Variants in DCK observed in about 807,000 individuals in gnomAD.
DCK encodes deoxycytidine kinase.
DCK carries 23 observed loss-of-function variants against 38.3 expected under a neutral mutation model. The ratio of observed to expected loss-of-function variants is 0.60; its 90% confidence interval spans 0.43 to 0.85. The LOEUF (loss-of-function observed/expected upper bound fraction) is 0.85. Among genes scored for constraint, DCK ranks in the 40% least tolerant of loss-of-function variants. DCK has a pLI of 0.00. For missense variants in DCK, 259 were observed against 304.4 expected, an observed-to-expected ratio of 0.85 and a Z score of 1.11; for synonymous variants, 108 against 100.6, an observed-to-expected ratio of 1.07 and a Z score of -0.44.
chr4:71,022,615 CTTT>C (rs373938314), intron 3 of DCK, 55 bp downstream of exon 3: 85 of 729,114 alleles, frequency 1.2e-4, no homozygotes, highest in Middle Eastern at 3.2e-4. Context: ...TAGAACTGGA[CTTT>C]TTTTTTTTTT....
rs142598943 is a variant in DCK, at chr4:71,022,846, C to T, written c.401+286C>T. ...TTTTCCCTCTAACCCTTTTAAAATT[C>T]TCATCTGCTCTGGTTAAATCTGGAT... On this transcript the variant is annotated intron_variant, in intron 3 of 6. Transcript: ENST00000286648. 4.9e-3 allele frequency among the ~76,000 whole-genome samples: 743 copies of T among 152,118 alleles called. 11 individuals are homozygous for T. The highest frequency in any genetic ancestry group is 0.017 in the African/African-American group (717 of 41,508).
At chr4:71,003,746 C>T (rs555000590) in intron 2 of DCK, among the ~76,000 whole-genome samples, 1 of 152,132 alleles carries the variant, frequency 6.6e-6, no homozygotes, top group African/African-American at 2.4e-5. Context: ...TTAATCGATT[C>T]GGCTATTGAT....
intron 3 of DCK, among the ~76,000 whole-genome samples, chr4:71,023,205 ATTT>A (rs35461637): frequency 6.6e-6 from 1 of 152,192 alleles, no homozygotes; most frequent in Non-Finnish European, 1.5e-5. Flanking sequence ...ATTGCTTTAC[ATTT>A]TTGCAGATAT....
At chr4:71,012,835 G>A (rs1740137497) in intron 2 of DCK, among the ~76,000 whole-genome samples, 2 of 152,212 alleles carry the variant, frequency 1.3e-5, no homozygotes, top group Admixed American at 6.5e-5. Flanking sequence ...CAGAAAAGCT[G>A]AAAATTCTAA....
At chr4:71,014,068 T>G (rs1272324299) in intron 2 of DCK, among the ~76,000 whole-genome samples, 5 of 152,054 alleles carry the variant, frequency 3.3e-5, no homozygotes, top group Non-Finnish European at 5.9e-5. Flanking sequence ...AAGGGATGTA[T>G]GAAGATCTAC....
chr4:71,023,218 T>C (rs1740472790), intron 3 of DCK, among the ~76,000 whole-genome samples: 1 of 152,246 alleles, frequency 6.6e-6, no homozygotes, highest in Non-Finnish European at 1.5e-5. Flanking sequence ...TTTGCAGATA[T>C]CTTTAATGCC....
chr4:70,994,184 CCT>C (rs1739607644), intron 1 of DCK, among the ~76,000 whole-genome samples: 1 of 152,208 alleles, frequency 6.6e-6, no homozygotes, highest in African/African-American at 2.4e-5. Flanking sequence ...ACCTCTGCTC[CCT>C]CTTTGTTGGG....
intron 2 of DCK, among the ~76,000 whole-genome samples, chr4:71,017,533 T>C (rs1406556138): frequency 1.3e-5 from 2 of 152,088 alleles, no homozygotes; most frequent in Non-Finnish European, 2.9e-5. Flanking sequence ...CCAACCCAGA[T>C]GTCCATCAGT....
intron 2 of DCK, among the ~76,000 whole-genome samples, chr4:71,015,292 G>C (rs1004945033): frequency 1.3e-5 from 2 of 152,014 alleles, no homozygotes; most frequent in African/African-American, 2.4e-5. Context: ...CAATAGTTAA[G>C]AGCCTGCCAT....
chr4:71,021,268 G>C (rs1416156764), intron 2 of DCK, among the ~76,000 whole-genome samples: 1 of 151,162 alleles, frequency 6.6e-6, no homozygotes, highest in Non-Finnish European at 1.5e-5. Flanking sequence ...GTAGAGACGG[G>C]GTTTCACCTT....
intron 1 of DCK, among the ~76,000 whole-genome samples, chr4:70,995,796 A>T (rs1037910366): frequency 5.9e-5 from 9 of 152,148 alleles, no homozygotes; most frequent in African/African-American, 2.2e-4. Context: ...GTCTTTTTGT[A>T]TGCAAATGTC....
At chr4:71,016,390 A>G (rs1299473610) in intron 2 of DCK, among the ~76,000 whole-genome samples, 1 of 152,224 alleles carries the variant, frequency 6.6e-6, no homozygotes, top group Non-Finnish European at 1.5e-5. Flanking sequence ...TGCCATCCCC[A>G]TCAAGCTACC....
Position 70,993,804 on chromosome 4 carries a change from G to C in DCK, c.-32G>C, listed in dbSNP as rs368554642. ...TGGCCGCCTCCCAGCCCTCTTTGCC[G>C]GACGAGCTCTGGGCCGCCACAAGAC... is the stretch of plus-strand genomic sequence containing the variant. On this transcript the variant is annotated 5_prime_UTR_variant, in exon 1 of 7. Coordinates refer to ENST00000286648, the MANE Select transcript of DCK (RefSeq NM_000788.3). 1.3e-6 allele frequency: 2 copies of C among 1,542,264 alleles called. No homozygotes were observed. The highest frequency in any genetic ancestry group is 8.9e-7 in the Non-Finnish European group (1 of 1,119,658).
At chr4:71,000,872 C>T (rs1015057468) in intron 2 of DCK, among the ~76,000 whole-genome samples, 7 of 152,124 alleles carry the variant, frequency 4.6e-5, no homozygotes, top group Admixed American at 3.3e-4. Context: ...GATTTTGTAT[C>T]CTGAGACTTT....
chr4:70,995,093 A>C (rs547307314), intron 1 of DCK, among the ~76,000 whole-genome samples: 40 of 152,364 alleles, frequency 2.6e-4, no homozygotes, highest in African/African-American at 9.1e-4. Flanking sequence ...AAATGAATAG[A>C]AAAACTGCAT....
At chr4:71,013,224 A>G (rs1740149627) in intron 2 of DCK, among the ~76,000 whole-genome samples, 1 of 152,230 alleles carries the variant, frequency 6.6e-6, no homozygotes, top group Middle Eastern at 3.2e-3. Flanking sequence ...GAGTAAAAAG[A>G]AATGAACAAA....
intron 2 of DCK, among the ~76,000 whole-genome samples, chr4:71,005,441 A>C (rs1739915598): frequency 6.6e-6 from 1 of 152,066 alleles, no homozygotes; most frequent in African/African-American, 2.4e-5. Context: ...AAAAGTTTTT[A>C]AAAAGTTAAA....
chr4:71,004,393 C>T (rs567055419), intron 2 of DCK, among the ~76,000 whole-genome samples: 87 of 152,282 alleles, frequency 5.7e-4, no homozygotes, highest in African/African-American at 1.9e-3. Flanking sequence ...AGGTGTCTGC[C>T]GACCCCTGCT....
At chr4:70,997,996 A>G (rs1739697128) in intron 1 of DCK, 71 bp from the exon 2 acceptor site, 2 of 632,008 alleles carry the variant, frequency 3.2e-6, no homozygotes, top group African/African-American at 1.9e-5. Flanking sequence ...ATCTTGCAAA[A>G]GCTAATGACT....
Sources: gnomAD v4.1 joint callset for allele counts (sites outside exome capture counted in the v4.1 genomes callset) on GRCh38, gnomAD v4.1.1 for gene constraint, MANE v1.5 for transcripts, NCBI Gene and HGNC (gene_info 2026-07-23, HGNC 2026-07-21) for gene names.